The following CHUK variants were observed in gnomAD, a reference collection of about 807,000 sequenced individuals.
CHUK encodes inhibitor of nuclear factor kappa-B kinase subunit alpha.
In CHUK, 35 loss-of-function variants were observed where a neutral mutation model predicts 104.8. That is an observed-to-expected ratio of 0.33 (90% CI 0.26 to 0.44). The LOEUF (loss-of-function observed/expected upper bound fraction) is 0.44, where lower values mean the gene tolerates loss of function less well. Ranked by LOEUF, CHUK falls within the 20% of genes least tolerant of loss-of-function variation. The pLI is 1.00. For synonymous variants in CHUK, 276 were observed against 291.9 expected (o/e 0.95, Z 0.56); for missense variants, 663 against 902.7 (o/e 0.73, Z 3.40).
chr10:100,224,387 A>C (rs1332695821), intron 2 of CHUK, among the ~76,000 whole-genome samples: 1 of 152,236 alleles, frequency 6.6e-6, no homozygotes, highest in African/African-American at 2.4e-5. Context: ...CACAGAAACT[A>C]TAAGATACTA....
chr10:100,196,870 C>A (rs1034535631), intron 16 of CHUK, among the ~76,000 whole-genome samples: 8 of 152,180 alleles, frequency 5.3e-5, no homozygotes, highest in Non-Finnish European at 8.8e-5. Context: ...GATCTTCCAA[C>A]CTCTACTCCC....
Position 100,219,299 on chromosome 10 carries a change from T to C in CHUK, c.535A>G (p.Thr179Ala), listed in dbSNP as rs746573628. 1.2e-6 allele frequency: 2 copies of C among 1,605,738 alleles called. No homozygotes were observed. The change falls in exon 6 of 21, where the codon ACA becomes GCA. Residue 179 changes from threonine to alanine, a missense_variant. Thr to Ala is a moderately conservative substitution (Grantham distance 58). Coordinates refer to ENST00000370397, the MANE Select transcript of CHUK (RefSeq NM_001278.5). ...TACTGCAGTGTTCCCACAAAAGATGTACACAGACTTCCTTGATCAACATCT... is the reference window on the plus strand; with the variant it reads ...TACTGCAGTGTTCCCACAAAAGATGCACACAGACTTCCTTGATCAACATCT... ...AKDVDQGSLCTSFVGTLQYLA... is the reference protein window; with the variant it reads ...AKDVDQGSLCASFVGTLQYLA...
intron 11 of CHUK, among the ~76,000 whole-genome samples, chr10:100,206,840 AAAG>A (rs1265398699): frequency 4.6e-5 from 7 of 152,250 alleles, no homozygotes; most frequent in Non-Finnish European, 8.8e-5. Flanking sequence ...GTTCAAAAGA[AAAG>A]AATAATTTTC....
chr10:100,204,814 T>C (rs1452444994), intron 12 of CHUK, among the ~76,000 whole-genome samples, 157 bp from the exon 13 acceptor site: 1 of 152,250 alleles, frequency 6.6e-6, no homozygotes. Context: ...ATCTGATCTC[T>C]AAAGACTTCC....
intron 9 of CHUK, among the ~76,000 whole-genome samples, chr10:100,212,140 C>T (rs1266790573): frequency 2.0e-5 from 3 of 152,120 alleles, no homozygotes; most frequent in Non-Finnish European, 1.5e-5. Context: ...GTCTCAACCT[C>T]CCAAAGTGCT....
intron 11 of CHUK, among the ~76,000 whole-genome samples, chr10:100,206,399 A>G (rs1338514196): frequency 6.6e-6 from 1 of 152,076 alleles, no homozygotes; most frequent in East Asian, 1.9e-4. Context: ...AGGAAAAACT[A>G]CATGCGTGAG....
At chr10:100,208,143 T>C (rs1845633817) in intron 10 of CHUK, among the ~76,000 whole-genome samples, 1 of 152,130 alleles carries the variant, frequency 6.6e-6, no homozygotes, top group Non-Finnish European at 1.5e-5. Context: ...TCTTGCTCTG[T>C]CACCCATGCT....
Position 100,193,374 on chromosome 10 carries a change from G to T in CHUK, c.2032C>A (p.Gln678Lys). 6.2e-7 allele frequency: 1 copy of T among 1,614,142 alleles called. No individual in the cohort carries two copies. The highest frequency in any genetic ancestry group is 8.5e-7 in the Non-Finnish European group (1 of 1,179,980). ...GSSLEGAVTP[Q>K]TSAWLPPTSA... ...GTCGGGGGCAGCCATGCTGATGTCT[G>T]AGGGGTTACTGCACCTTCTAGACTG... Residue 678 changes from glutamine to lysine, a missense_variant, in exon 19 of 21, where the codon CAG becomes AAG. By Grantham distance (53) the Gln-to-Lys change is moderately conservative. Around this residue, in one of 5 missense-constraint regions of CHUK, gnomAD observed 311 missense variants for 393.4 expected, o/e 0.79. Transcript: ENST00000370397.
chr10:100,195,769 G>A (rs1442862364), intron 16 of CHUK: 1 of 152,188 alleles, frequency 6.6e-6, no homozygotes, highest in Non-Finnish European at 1.5e-5. Flanking sequence ...ACACAATCTT[G>A]TTACAGTTTG....
intron 16 of CHUK, among the ~76,000 whole-genome samples, chr10:100,196,147 G>C (rs1283148145): frequency 6.6e-6 from 1 of 152,078 alleles, no homozygotes; most frequent in Non-Finnish European, 1.5e-5. Context: ...TGCTCTATTT[G>C]AAATCTTAGA....
At chr10:100,229,363 TCCACAGACGCTCAAAC>T (rs1846182378) in intron 1 of CHUK, 49 bp downstream of exon 1, 1 of 1,210,904 alleles carries the variant, frequency 8.3e-7, no homozygotes, top group Non-Finnish European at 1.2e-6. Context: ...AGCCCTGTGT[TCCACAGACGCTCAAAC>T]CCACCGCCGC....
chr10:100,195,080 T>C (rs1845293318), intron 16 of CHUK: 1 of 152,382 alleles, frequency 6.6e-6, no homozygotes, highest in African/African-American at 2.4e-5. Context: ...TATGACATCT[T>C]AAAGCCAACT....
At chr10:100,206,175 TG>T (rs1302448039) in intron 11 of CHUK, among the ~76,000 whole-genome samples, 13 of 152,136 alleles carry the variant, frequency 8.5e-5, no homozygotes, top group Non-Finnish European at 1.5e-4. Flanking sequence ...GAATAAAGTA[TG>T]GGCTTCAATT....
At chr10:100,192,931 A>C in intron 19 of CHUK, 1 of 251,768 alleles carries the variant, frequency 4.0e-6, no homozygotes, top group Non-Finnish European at 7.4e-6. Context: ...CTGTTAATGA[A>C]GGAGTAAGGT....
chr10:100,207,285 A>C lies in CHUK; in HGVS notation c.1176T>G (p.Thr392=), dbSNP rs770880628. 6.3e-7 allele frequency: 1 copy of C among 1,578,970 alleles called. No individual in the cohort carries two copies. Among genetic ancestry groups the C allele is most frequent in the Non-Finnish European group, 8.7e-7 (1 of 1,148,952 alleles). The change falls in exon 11 of 21, where the codon ACT becomes ACG. Residue 392 remains threonine, a synonymous_variant. Transcript: ENST00000370397. The part of the protein sequence containing the change: ...YMVYLFDKSK[T]VYEGPFASRS... ...TGGAAGCAAATGGCCCTTCATATACAGTTTTACTTTTATCAAACAAATAAA... is the reference window on the plus strand; with the variant it reads ...TGGAAGCAAATGGCCCTTCATATACCGTTTTACTTTTATCAAACAAATAAA...
In CHUK at chr10:100,189,429, T is replaced by TA. The variant is rs1845142940; in HGVS notation, c.*168dup. Reference sequence around the variant, plus strand: ...AGAGGCTTGAATTACTCAAAACTGTTATACTTGTAAAATCATGTTCTTCTG... The same window carrying TA: ...AGAGGCTTGAATTACTCAAAACTGTTAATACTTGTAAAATCATGTTCTTCTG... On this transcript the variant is annotated 3_prime_UTR_variant, in exon 21 of 21. Coordinates refer to ENST00000370397, the MANE Select transcript of CHUK (RefSeq NM_001278.5). The TA allele has an allele frequency of 1.6e-6, 1 of 635,686 alleles. No individual in the cohort carries two copies. The highest frequency in any genetic ancestry group is 1.8e-5 in the African/African-American group (1 of 54,684). 39.4% of individuals were successfully genotyped at this position (635,686 alleles called of 1,614,324 possible).
At chr10:100,216,634 T>A (rs187361309) in intron 9 of CHUK, among the ~76,000 whole-genome samples, 10 of 152,262 alleles carry the variant, frequency 6.6e-5, no homozygotes, top group African/African-American at 2.4e-4. Context: ...AGCTCAGGGG[T>A]TGCAGACTAA....
rs758546490 is a variant in CHUK at position 100,219,405 on chromosome 10, T to G, written c.475-46A>C. 19 of 1,111,442 alleles carry G rather than the reference T, an allele frequency of 1.7e-5. No homozygotes were observed. In the African/African-American group the frequency reaches 2.9e-4, roughly 17 times the overall value. 68.8% of individuals were successfully genotyped at this position (1,111,442 alleles called of 1,614,324 possible). A position where few individuals can be genotyped will look rare whatever the true frequency, so the allele number is the denominator to read the frequency against. On this transcript the variant is annotated intron_variant, in intron 5 of 20. Transcript: ENST00000370397. Reference sequence around the variant, plus strand: ...TTAAGTATTAAATGGTAGAGAAATTTAAAAAGGAAAGACAACAATATCCTT... The same window carrying G: ...TTAAGTATTAAATGGTAGAGAAATTGAAAAAGGAAAGACAACAATATCCTT...
In CHUK at chr10:100,213,536, T is replaced by G. The variant is rs192388700; in HGVS notation, c.934-3747A>C. ...CGTATTAACAATTTTGTTTGTTTGT[T>G]TTTGAGACAGAGTCTCTCTCTGTCA... is the stretch of plus-strand genomic sequence containing the variant. On this transcript the variant is annotated intron_variant, in intron 9 of 20. Transcript: ENST00000370397. Among the ~76,000 whole-genome samples the G allele has an allele frequency of 2.4e-3, 359 of 152,260 alleles. 3 individuals carry two copies. Among genetic ancestry groups the G allele is most frequent in the African/African-American group, 8.2e-3 (339 of 41,546 alleles).
Sources: gnomAD v4.1 joint callset for allele counts (sites outside exome capture counted in the v4.1 genomes callset) on GRCh38, gnomAD v4.1.1 for gene constraint, gnomAD v4.1.1 regional missense constraint, MANE v1.5 for transcripts, NCBI Gene and HGNC (gene_info 2026-07-23, HGNC 2026-07-21) for gene names.